FSTL4: variants seen among roughly 807,000 people sequenced by gnomAD.
FSTL4 encodes the protein follistatin like 4.
In FSTL4, 28 loss-of-function variants were observed where a neutral mutation model predicts 78.2. That is an observed-to-expected ratio of 0.36 (90% CI 0.27 to 0.49). The LOEUF is 0.49. Ranked by LOEUF, FSTL4 falls within the 20% of genes least tolerant of loss-of-function variation. FSTL4 has a pLI of 0.98. For missense variants in FSTL4, 922 were observed against 1,084.9 expected (o/e 0.85, Z 2.11); for synonymous variants, 422 against 440.5 (o/e 0.96, Z 0.53).
intron 3 of FSTL4, among the ~76,000 whole-genome samples, chr5:133,405,916 C>G (rs1240483423): frequency 1.3e-5 from 2 of 152,218 alleles, no homozygotes; most frequent in Non-Finnish European, 2.9e-5. Flanking sequence ...TCTATCCACC[C>G]AACAAATATT....
intron 3 of FSTL4, among the ~76,000 whole-genome samples, chr5:133,409,086 C>T (rs546033743): frequency 2.0e-5 from 3 of 152,304 alleles, no homozygotes; most frequent in Admixed American, 2.0e-4. Context: ...AAATGCTTCC[C>T]TTGCAATTTC....
At chr5:133,273,580 T>C (rs1752815515) in intron 6 of FSTL4, among the ~76,000 whole-genome samples, 1 of 152,112 alleles carries the variant, frequency 6.6e-6, no homozygotes, top group Admixed American at 6.5e-5. Context: ...TTCGAGCTTC[T>C]CCCAAGGGGT....
the FSTL4 span, among the ~76,000 whole-genome samples, chr5:133,723,165 C>A: frequency 2.0e-5 from 3 of 152,146 alleles, no homozygotes. Flanking sequence ...TACAGTTTTA[C>A]TTTTGAGGCA....
intron 3 of FSTL4, among the ~76,000 whole-genome samples, chr5:133,527,499 A>ACC (rs1554068700): frequency 0.027 from 2,243 of 83,180 alleles, 101 homozygotes; most frequent in African/African-American, 0.066. Context: ...ACACACACAC[A>ACC]CACCCATAAG....
chr5:133,614,646 T>C (rs894817000), upstream of FSTL4, among the ~76,000 whole-genome samples: 2 of 152,162 alleles, frequency 1.3e-5, no homozygotes, highest in African/African-American at 2.4e-5. Context: ...AATTGGAAAA[T>C]AGGCTAGATT....
Position 133,225,836 on chromosome 5 carries a change from GTGC to G in FSTL4, c.1016-20_1016-18del, listed in dbSNP as rs1299859985. 1 of 1,529,186 alleles carries G rather than the reference GTGC, an allele frequency of 6.5e-7. No individual in the cohort carries two copies. The highest frequency in any genetic ancestry group is 2.3e-5 in the East Asian group (1 of 43,072). 94.7% of individuals were successfully genotyped at this position (1,529,186 alleles called of 1,614,324 possible). ...CTGGCGGCACTGTGGGTGAGAGTCA[GTGC>G]TGGTGAGAAAGAGACGGCCCTGACC... is the stretch of plus-strand genomic sequence containing the variant. On this transcript the variant is annotated intron_variant, in intron 8 of 15. Coordinates refer to ENST00000265342, the MANE Select transcript of FSTL4 (RefSeq NM_015082.2). This position sits in a 1 kb window ranked among gnomAD's most constrained non-coding sequence, Gnocchi z 4.6.
chr5:133,422,628 G>A (rs1756723129), intron 3 of FSTL4, among the ~76,000 whole-genome samples: 1 of 152,116 alleles, frequency 6.6e-6, no homozygotes, highest in Admixed American at 6.5e-5. Context: ...GTCTAAGTGG[G>A]GAAAATCAAG....
rs747291084 is a variant in FSTL4, at chr5:133,583,357, C to T, written c.127-16138G>A. 4.8e-5 allele frequency: 13 copies of T among 270,082 alleles called. 1 individual carries two copies. Among genetic ancestry groups the T allele is most frequent in the East Asian group, 2.7e-4 (2 of 7,356 alleles). The allele number at this position is 270,082 out of a possible 1,614,324, so 16.7% of individuals were successfully genotyped here. ...CTCCCAGCGTGAGCGACGCAGAAGA[C>T]GGGTGATTTCTGCATTTCCATCTGA... On this transcript the variant is annotated intron_variant, in intron 2 of 15. Coordinates refer to ENST00000265342, the MANE Select transcript of FSTL4 (RefSeq NM_015082.2).
the FSTL4 span, among the ~76,000 whole-genome samples, chr5:133,811,110 C>T: frequency 2.0e-5 from 3 of 152,158 alleles, no homozygotes; most frequent in Non-Finnish European, 2.9e-5. Flanking sequence ...AGCAGGCAGT[C>T]GTGGGCCTGT....
At chr5:133,249,640 G>A in intron 6 of FSTL4, 64 bp from the exon 7 acceptor site, 2 of 1,333,442 alleles carry the variant, frequency 1.5e-6, no homozygotes, top group South Asian at 1.3e-5. Context: ...TCAACTCAAG[G>A]TGAATAGCCA....
At chr5:133,231,044 T>C (rs542977399) in intron 8 of FSTL4, among the ~76,000 whole-genome samples, 1 of 152,132 alleles carries the variant, frequency 6.6e-6, no homozygotes, top group South Asian at 2.1e-4. Flanking sequence ...ATCATTCTCG[T>C]GTCACACCCA....
intron 3 of FSTL4, among the ~76,000 whole-genome samples, chr5:133,430,146 G>A (rs1348197022): frequency 6.6e-6 from 1 of 152,348 alleles, no homozygotes; most frequent in East Asian, 1.9e-4. Flanking sequence ...GGTGTGGAAT[G>A]TAAGTTGAAA....
chr5:133,466,326 G>A (rs892674897), intron 3 of FSTL4, among the ~76,000 whole-genome samples: 12 of 152,074 alleles, frequency 7.9e-5, no homozygotes, highest in Non-Finnish European at 1.6e-4. Context: ...GCAGATCATG[G>A]GGTCAGGAGA....
chr5:133,785,902 A>T, the FSTL4 span, among the ~76,000 whole-genome samples: 12 of 152,216 alleles, frequency 7.9e-5, no homozygotes, highest in African/African-American at 2.9e-4. Flanking sequence ...TGAAGCTGGC[A>T]GATGCCAGCC....
chr5:133,316,681 G>A, intron 4 of FSTL4, 29 bp from the exon 5 acceptor site: 2 of 1,577,262 alleles, frequency 1.3e-6, no homozygotes, highest in Non-Finnish European at 1.7e-6. Context: ...TTATTATTTT[G>A]AGACTTATCC....
chr5:133,625,744 TTCCATATATATATTCC>T, the FSTL4 span, among the ~76,000 whole-genome samples: 4 of 89,700 alleles, frequency 4.5e-5, no homozygotes, highest in African/African-American at 2.6e-4. Flanking sequence ...TATATATATA[TTCCATATATATATTCC>T]ATATATATTC....
chr5:133,312,557 T>C (rs1486749702), intron 6 of FSTL4, 97 bp downstream of exon 6: 2 of 1,145,262 alleles, frequency 1.7e-6, no homozygotes, highest in Non-Finnish European at 2.6e-6. Flanking sequence ...GAAACCAACC[T>C]GGGAGACAAC....
In FSTL4 at chr5:133,438,010, A is replaced by G. The variant is rs532331171; in HGVS notation, c.161-37024T>C. On this transcript the variant is annotated intron_variant, in intron 3 of 15. Coordinates refer to ENST00000265342, the MANE Select transcript of FSTL4 (RefSeq NM_015082.2). ...TACTGAATTGTAACGTATTACTCTA[A>G]TTATATATACTTAATTCTATAATTG... Among the ~76,000 whole-genome samples, 3 of 152,206 alleles carry G rather than the reference A, an allele frequency of 2.0e-5. 1 individual carries two copies. The South Asian group carries it at 6.2e-4, about 32-fold the overall frequency.
chr5:133,242,866 C>A (rs1451301050), intron 7 of FSTL4, among the ~76,000 whole-genome samples: 1 of 152,180 alleles, frequency 6.6e-6, no homozygotes, highest in Non-Finnish European at 1.5e-5. Context: ...TAATGCAGAG[C>A]CTACAACCAC....
Sources: allele counts gnomAD v4.1 joint callset (sites outside exome capture counted in the v4.1 genomes callset), GRCh38; gene constraint gnomAD v4.1.1; non-coding constraint Gnocchi (gnomAD v3.1); transcripts MANE v1.5; gene names NCBI Gene and HGNC (gene_info 2026-07-23, HGNC 2026-07-21).